The following SPECC1 variants were observed in gnomAD, a reference collection of about 807,000 sequenced individuals.
SPECC1 encodes sperm antigen with calponin homology and coiled-coil domains 1, also known as cytospin-B.
In SPECC1, 62 loss-of-function variants were observed where a neutral mutation model predicts 104.1. The observed-to-expected ratio is 0.60, with a 90% CI of 0.49 to 0.74. The LOEUF (loss-of-function observed/expected upper bound fraction) is 0.74, where lower values mean the gene tolerates loss of function less well. SPECC1 is among the 30% of genes least tolerant of loss of function. The pLI, the probability that SPECC1 is intolerant of heterozygous loss-of-function variation, is 0.00. For missense variants in SPECC1, 1,306 were observed against 1,310.5 expected (o/e 1.00, Z 0.05); for synonymous variants, 513 against 501.6 (o/e 1.02, Z -0.30).
intron 4 of SPECC1, among the ~76,000 whole-genome samples, chr17:20,220,370 C>T (rs552325101): frequency 1.3e-5 from 2 of 152,096 alleles, no homozygotes; most frequent in South Asian, 4.1e-4. Flanking sequence ...TTATAGTTTT[C>T]ATTGTAGAGA....
intron 3 of SPECC1, among the ~76,000 whole-genome samples, chr17:20,137,221 G>T (rs892088849): frequency 6.6e-6 from 1 of 152,172 alleles, no homozygotes; most frequent in South Asian, 2.1e-4. Flanking sequence ...GGTTACACTG[G>T]TTTATTTAGG....
intron 3 of SPECC1, among the ~76,000 whole-genome samples, chr17:20,164,883 G>GTTTA (rs2033509181): frequency 6.6e-6 from 1 of 152,138 alleles, no homozygotes; most frequent in Admixed American, 6.6e-5. Context: ...CCTGATTAGA[G>GTTTA]TTTACACTTC....
chr17:20,260,354 T>A, intron 12 of SPECC1, 60 bp downstream of exon 12: 1 of 1,434,122 alleles, frequency 7.0e-7, no homozygotes, highest in Non-Finnish European at 9.7e-7. Context: ...CCTGTGCCAA[T>A]ACATGTTCCT....
At chr17:20,237,945 T>G (rs1567973689) in intron 7 of SPECC1, 1 of 665,706 alleles carries the variant, frequency 1.5e-6, no homozygotes, top group Non-Finnish European at 1.9e-6. Context: ...TTTCACCATG[T>G]TGGTCAGGCT....
intron 1 of SPECC1, among the ~76,000 whole-genome samples, chr17:20,066,382 A>T (rs1396557574): frequency 6.6e-6 from 1 of 152,178 alleles, no homozygotes; most frequent in Non-Finnish European, 1.5e-5. Context: ...AGCATTTAGG[A>T]ATTCTTGTTC....
At chr17:20,207,625 A>G (rs2036871283) in intron 4 of SPECC1, among the ~76,000 whole-genome samples, 1 of 152,230 alleles carries the variant, frequency 6.6e-6, no homozygotes, top group East Asian at 1.9e-4. Context: ...TTTTTATTAC[A>G]GACGATTTAA....
At chr17:20,122,825 A>C in intron 3 of SPECC1, among the ~76,000 whole-genome samples, 1 of 152,194 alleles carries the variant, frequency 6.6e-6, no homozygotes, top group South Asian at 2.1e-4. Context: ...TTCGTTTTTG[A>C]GGCTAAATAA....
chr17:20,288,714 T>TA (rs2041046511), intron 12 of SPECC1, among the ~76,000 whole-genome samples: 2 of 150,966 alleles, frequency 1.3e-5, no homozygotes, highest in Admixed American at 1.3e-4. Flanking sequence ...TAATTGGACT[T>TA]ACAGTTTCAC....
At chr17:20,043,164 A>G (rs2152455148) in intron 1 of SPECC1, among the ~76,000 whole-genome samples, 1 of 152,312 alleles carries the variant, frequency 6.6e-6, no homozygotes, top group Middle Eastern at 3.4e-3. Context: ...AGCTTCAAAC[A>G]GTTTTGGCGA....
chr17:20,194,010 G>A (rs1597934968), intron 3 of SPECC1, among the ~76,000 whole-genome samples: 2 of 152,180 alleles, frequency 1.3e-5, no homozygotes, highest in East Asian at 3.9e-4. Flanking sequence ...CATAGTTCTT[G>A]AAACATATTT....
chr17:20,261,690 C>T (rs1567589987), intron 12 of SPECC1, among the ~76,000 whole-genome samples: 4 of 152,014 alleles, frequency 2.6e-5, no homozygotes, highest in Non-Finnish European at 4.4e-5. Context: ...GAATTGTTTG[C>T]GTTTAGTTTA....
rs943160043 is a variant in SPECC1 at position 20,163,566 on chromosome 17, T to C, written c.284-40767T>C. On this transcript the variant is annotated intron_variant, in intron 3 of 14. Transcript: ENST00000395527. ...AAACATTTATATTCTCTCTCTCTCT[T>C]TTTTTTTTTTTTGAGACAGTTTCTG... Among the ~76,000 whole-genome samples the C allele has an allele frequency of 4.5e-4, 66 of 147,508 alleles. 1 individual carries two copies. Among genetic ancestry groups the C allele is most frequent in the African/African-American group, 1.2e-3 (48 of 40,780 alleles).
chr17:20,016,923 G>A (rs2044156288), intron 1 of SPECC1, among the ~76,000 whole-genome samples: 1 of 152,240 alleles, frequency 6.6e-6, no homozygotes, highest in Non-Finnish European at 1.5e-5. Context: ...TTTATGTCTA[G>A]CTAAGGGATT....
rs541329464 is a variant in SPECC1 at position 20,233,574 on chromosome 17, A to G, written c.2351+1169A>G. On this transcript the variant is annotated intron_variant, in intron 7 of 14. Transcript: ENST00000395527. ...TATTTTTAGAGATGGGGGTCTCACTATGTTGCCCAGGCTGGACTCGAACTA... is the reference window on the plus strand; with the variant it reads ...TATTTTTAGAGATGGGGGTCTCACTGTGTTGCCCAGGCTGGACTCGAACTA... 1.3e-4 allele frequency among the ~76,000 whole-genome samples: 20 copies of G among 152,284 alleles called. No individual in the cohort carries two copies. In the East Asian group the frequency reaches 3.3e-3, roughly 25 times the overall value.
intron 4 of SPECC1, among the ~76,000 whole-genome samples, chr17:20,209,725 T>C (rs2037014389): frequency 6.6e-6 from 1 of 152,226 alleles, no homozygotes; most frequent in African/African-American, 2.4e-5. Flanking sequence ...ACCACTCCTA[T>C]CCTTGCCCTA....
intron 3 of SPECC1, among the ~76,000 whole-genome samples, chr17:20,165,417 A>G (rs372587081): frequency 1.4e-4 from 22 of 152,264 alleles, no homozygotes; most frequent in African/African-American, 4.8e-4. Flanking sequence ...ATTCTGTTCC[A>G]TGGTGTATAT....
At chr17:20,297,692 A>G (rs1005347467) in intron 13 of SPECC1, among the ~76,000 whole-genome samples, 5 of 152,134 alleles carry the variant, frequency 3.3e-5, no homozygotes, top group African/African-American at 1.2e-4. Context: ...GTCCCAACAA[A>G]CCTTTATTTA....
intron 3 of SPECC1, among the ~76,000 whole-genome samples, chr17:20,134,213 T>C (rs1179758978): frequency 6.6e-6 from 1 of 151,918 alleles, no homozygotes; most frequent in Non-Finnish European, 1.5e-5. Flanking sequence ...CAGGGTTCTT[T>C]CTAGCCTTGC....
At position 20,091,131 on chromosome 17, in the gene SPECC1, T is replaced by C. The variant is rs182624525; in HGVS notation, c.-21-5500T>C. 1.3e-4 allele frequency among the ~76,000 whole-genome samples: 20 copies of C among 152,338 alleles called. No individual in the cohort carries two copies. The East Asian group carries it at 2.9e-3, about 22-fold the overall frequency. On this transcript the variant is annotated intron_variant, in intron 1 of 14. Transcript: ENST00000395527. The stretch of plus-strand genomic sequence containing the variant: ...TTCTGCTGATGGGATCAATGAATTT[T>C]ACTTTGGAATTTTTCTTCTGATGCT...
Sources: gnomAD v4.1 joint callset for allele counts (sites outside exome capture counted in the v4.1 genomes callset) on GRCh38, gnomAD v4.1.1 for gene constraint, MANE v1.5 for transcripts, NCBI Gene and HGNC (gene_info 2026-07-23, HGNC 2026-07-21) for gene names.